The following PLCG2 variants were observed in gnomAD, a reference collection of about 807,000 sequenced individuals.
The protein encoded by PLCG2 is phospholipase C gamma 2.
A neutral mutation model predicts 175.6 loss-of-function variants in PLCG2; 69 were observed. That is an observed-to-expected ratio of 0.39 (90% CI 0.32 to 0.48). The LOEUF is 0.48. Ranked by LOEUF, PLCG2 falls within the 20% of genes least tolerant of loss-of-function variation. The pLI, the probability that PLCG2 is intolerant of heterozygous loss-of-function variation, is 0.91. For missense variants in PLCG2, 1,798 were observed against 1,650.9 expected, an observed-to-expected ratio of 1.09 and a Z score of -1.54; for synonymous variants, 827 against 624.0, an observed-to-expected ratio of 1.33 and a Z score of -4.85.
chr16:81,935,694 T>G (rs927538011), intron 26 of PLCG2: 1 of 985,192 alleles, frequency 1.0e-6, no homozygotes, highest in African/African-American at 1.7e-5. Flanking sequence ...GCCTGTCCCC[T>G]TCCCTCTCCT....
At chr16:81,874,046 G>A (rs896714940) in intron 7 of PLCG2, among the ~76,000 whole-genome samples, 6 of 152,206 alleles carry the variant, frequency 3.9e-5, no homozygotes, top group African/African-American at 1.4e-4. Flanking sequence ...AGATTCTGCC[G>A]ATACCAAAGG....
At chr16:81,826,721 G>C (rs953217560) in intron 2 of PLCG2, among the ~76,000 whole-genome samples, 1 of 152,096 alleles carries the variant, frequency 6.6e-6, no homozygotes, top group Non-Finnish European at 1.5e-5. Context: ...TTTTTGACGA[G>C]TCTACCCATT....
chr16:81,816,651 A>ATTTTTTTTTTT (rs71146047), intron 2 of PLCG2, among the ~76,000 whole-genome samples: 26 of 108,856 alleles, frequency 2.4e-4, no homozygotes, highest in African/African-American at 9.1e-4. Flanking sequence ...GCTAATTTTA[A>ATTTTTTTTTTT]TTTTTTTTTT....
intron 2 of PLCG2, among the ~76,000 whole-genome samples, chr16:81,833,380 C>T (rs548574018): frequency 1.9e-4 from 29 of 152,098 alleles, no homozygotes; most frequent in African/African-American, 6.0e-4. Context: ...GGTCGGTACA[C>T]GGGTCCTGAG....
chr16:81,793,874 C>A (rs1321248000), intron 2 of PLCG2, among the ~76,000 whole-genome samples: 6 of 152,180 alleles, frequency 3.9e-5, no homozygotes, highest in African/African-American at 1.2e-4. Context: ...AAGGGCAGAG[C>A]TACAATTTGA....
chr16:81,853,510 C>G (rs1044595398), intron 2 of PLCG2, among the ~76,000 whole-genome samples: 1 of 152,180 alleles, frequency 6.6e-6, no homozygotes, highest in African/African-American at 2.4e-5. Context: ...AACTGTTCTA[C>G]TTCAGATCAT....
intron 19 of PLCG2, among the ~76,000 whole-genome samples, chr16:81,915,711 G>A (rs1047859121): frequency 1.3e-5 from 2 of 152,296 alleles, no homozygotes; most frequent in East Asian, 1.9e-4. Context: ...GCTGTGGATC[G>A]GGAAGCTGAG....
At position 81,919,493 on chromosome 16, in the gene PLCG2, C is replaced by G; in HGVS notation, c.2064C>G (p.Gly688=). The change falls in exon 20 of 33, where the codon GGC becomes GGG. Residue 688 remains glycine, a synonymous_variant. Transcript: ENST00000564138. ...DSYAITFRAR[G]KVKHCRINRD... is the part of the protein sequence containing the mutation. ...GTTCTTCCTGCTCCAGGGCTAGGGG[C>G]AAGGTAAAGCATTGTCGCATCAACC... 2.5e-6 allele frequency: 4 copies of G among 1,613,626 alleles called. No individual in the cohort carries two copies. In the South Asian group the frequency reaches 4.4e-5, roughly 18 times the overall value.
intron 19 of PLCG2, among the ~76,000 whole-genome samples, chr16:81,915,935 A>C (rs1452744691): frequency 2.0e-5 from 3 of 152,242 alleles, no homozygotes; most frequent in Admixed American, 6.5e-5. Context: ...ATCTCAGTAG[A>C]GAGGTCCTGG....
chr16:81,758,854 T>C (rs1179167299), intron 2 of PLCG2, among the ~76,000 whole-genome samples: 1 of 152,124 alleles, frequency 6.6e-6, no homozygotes, highest in African/African-American at 2.4e-5. Context: ...ATTTTTATAT[T>C]TTTAGTAGAG....
intron 2 of PLCG2, among the ~76,000 whole-genome samples, chr16:81,826,300 G>C (rs1056349121): frequency 1.3e-5 from 2 of 152,136 alleles, no homozygotes; most frequent in African/African-American, 2.4e-5. Flanking sequence ...CAGGATCCTA[G>C]GCTCAGAGAT....
rs544798709 is a variant in PLCG2, at chr16:81,771,045, G to A, written c.-47-14898G>A. Among the ~76,000 whole-genome samples the A allele has an allele frequency of 1.8e-4, 24 of 130,740 alleles. No individual in the cohort carries two copies. The East Asian group carries it at 4.7e-3, about 26-fold the overall frequency. The allele number at this position is 130,740 out of a possible 152,430, so 85.8% of individuals were successfully genotyped here. On this transcript the variant is annotated intron_variant, in intron 2 of 5. Coordinates refer to the PLCG2 transcript ENST00000565054. ...TGCACTCCAGCCTTGGTGACAGAGC[G>A]AGACTCCATCTCAAAAAAAAAAAAA...
intron 14 of PLCG2, among the ~76,000 whole-genome samples, chr16:81,903,868 G>A (rs541024988): frequency 6.6e-6 from 1 of 152,304 alleles, no homozygotes; most frequent in East Asian, 1.9e-4. Flanking sequence ...CCCCACACCT[G>A]ATACGCTGTG....
intron 2 of PLCG2, among the ~76,000 whole-genome samples, chr16:81,791,689 C>G (rs12598676): frequency 9.2e-5 from 14 of 152,106 alleles, no homozygotes; most frequent in African/African-American, 3.4e-4. Context: ...CTCAGCCCCC[C>G]GAGTAGCTGG....
At chr16:81,801,194 C>G (rs1203944986) in intron 2 of PLCG2, among the ~76,000 whole-genome samples, 1 of 152,170 alleles carries the variant, frequency 6.6e-6, no homozygotes, top group Non-Finnish European at 1.5e-5. Context: ...AACCCCGCAA[C>G]CAACTTAGAT....
chr16:81,944,385 A>G (rs957171561), intron 30 of PLCG2, among the ~76,000 whole-genome samples: 1 of 152,198 alleles, frequency 6.6e-6, no homozygotes, highest in African/African-American at 2.4e-5. Context: ...CACAGTATTT[A>G]TATTGTCTTG....
In PLCG2 at chr16:81,895,913, C is replaced by G; in HGVS notation, c.1179C>G (p.Ala393=). The G allele has an allele frequency of 1.2e-6, 2 of 1,614,064 alleles. No individual in the cohort carries two copies. Among genetic ancestry groups the G allele is most frequent in the Admixed American group, 1.7e-5 (1 of 60,014 alleles). The change falls in exon 13 of 33, where the codon GCC becomes GCG. Residue 393 remains alanine (A), a synonymous_variant. Coordinates refer to ENST00000564138, the MANE Select transcript of PLCG2 (RefSeq NM_002661.5). ...DDVVQAIKDH[A]FVTSSFPVIL... Reference sequence around the variant, plus strand: ...TCGTGCAGGCCATCAAAGACCACGCCTTTGTTACCTCGAGGTCAGTTGGCT... The same window carrying G: ...TCGTGCAGGCCATCAAAGACCACGCGTTTGTTACCTCGAGGTCAGTTGGCT...
At chr16:81,810,004 T>C (rs2143289063) in intron 2 of PLCG2, among the ~76,000 whole-genome samples, 1 of 152,076 alleles carries the variant, frequency 6.6e-6, no homozygotes, top group East Asian at 1.9e-4. Context: ...TTTTTTTTCT[T>C]TTTTTTGAGA....
intron 3 of PLCG2, among the ~76,000 whole-genome samples, chr16:81,857,764 G>C (rs1197401305): frequency 6.6e-6 from 1 of 152,190 alleles, no homozygotes; most frequent in Non-Finnish European, 1.5e-5. Flanking sequence ...AATTCGGAAG[G>C]AATGCAAATA....
Sources: gnomAD v4.1 joint callset for allele counts (sites outside exome capture counted in the v4.1 genomes callset) on GRCh38, gnomAD v4.1.1 for gene constraint, MANE v1.5 for transcripts, NCBI Gene and HGNC (gene_info 2026-07-23, HGNC 2026-07-21) for gene names.